ITGA4: variants seen among roughly 807,000 people sequenced by gnomAD.
ITGA4 encodes the protein integrin alpha-4.
Under a neutral mutation model 133.6 loss-of-function variants are expected in ITGA4, and 63 were observed. That is an observed-to-expected ratio of 0.47 (90% CI 0.38 to 0.58). The LOEUF is 0.58. Ranked by LOEUF, ITGA4 falls within the 20% of genes least tolerant of loss-of-function variation. ITGA4 has a pLI of 0.00. For synonymous variants in ITGA4, 483 were observed against 438.0 expected (o/e 1.10, Z -1.28); for missense variants, 1,076 against 1,252.7 (o/e 0.86, Z 2.13).
In ITGA4 at chr2:181,538,637, T is replaced by C. The variant is rs926802399; in HGVS notation, c.*3110T>C. Among the ~76,000 whole-genome samples, 1 of 152,124 alleles carries C rather than the reference T, an allele frequency of 6.6e-6. No individual in the cohort carries two copies. The highest frequency in any genetic ancestry group is 1.9e-4 in the East Asian group (1 of 5,198). ...TATGTAAAATTGTTCCCAAGGGAAG[T>C]TGAATGCTCTGTAAAGGCCTAATAA... is the stretch of plus-strand genomic sequence containing the variant. On this transcript the variant is annotated 3_prime_UTR_variant, in exon 28 of 28. Coordinates refer to ENST00000397033, the MANE Select transcript of ITGA4 (RefSeq NM_000885.6).
At chr2:181,515,698 C>G (rs1385170314) in intron 17 of ITGA4, among the ~76,000 whole-genome samples, 1 of 152,052 alleles carries the variant, frequency 6.6e-6, no homozygotes, top group East Asian at 1.9e-4. Flanking sequence ...TAATTAATTT[C>G]TTAGACTCAC....
At chr2:181,489,335 TA>T (rs1252518453) in intron 10 of ITGA4, among the ~76,000 whole-genome samples, 1 of 151,932 alleles carries the variant, frequency 6.6e-6, no homozygotes, top group Non-Finnish European at 1.5e-5. Flanking sequence ...AGCCATTTTC[TA>T]AAAAGATGAC....
At position 181,502,239 on chromosome 2, in the gene ITGA4, G is replaced by A. The variant is rs78341790; in HGVS notation, c.1695+3462G>A. On this transcript the variant is annotated intron_variant, in intron 15 of 27. Coordinates refer to ENST00000397033, the MANE Select transcript of ITGA4 (RefSeq NM_000885.6). Reference sequence around the variant, plus strand: ...CATTTCAGACATTAGTGGGGGAACGGGGGGAAGGAAAGGAATTGGAAGCGT... The same window carrying A: ...CATTTCAGACATTAGTGGGGGAACGAGGGGAAGGAAAGGAATTGGAAGCGT... Among the ~76,000 whole-genome samples the A allele has an allele frequency of 5.5e-3, 843 of 152,204 alleles. 7 individuals carry two copies. Among genetic ancestry groups the A allele is most frequent in the Non-Finnish European group, 9.5e-3 (646 of 68,000 alleles).
intron 9 of ITGA4, among the ~76,000 whole-genome samples, chr2:181,483,362 A>T (rs995532600): frequency 1.3e-5 from 2 of 152,210 alleles, no homozygotes; most frequent in African/African-American, 4.8e-5. Context: ...TGGAGTCTTA[A>T]TGAAATCTTC....
At chr2:181,475,130 A>G (rs766805617) in intron 3 of ITGA4, 29 bp from the exon 4 acceptor site, 2 of 1,613,522 alleles carry the variant, frequency 1.2e-6, no homozygotes, top group East Asian at 2.2e-5. Flanking sequence ...CAGCTTTCAC[A>G]TCATTTGGTC....
intron 15 of ITGA4, among the ~76,000 whole-genome samples, chr2:181,502,922 G>A (rs1275999816): frequency 1.3e-5 from 2 of 151,980 alleles, no homozygotes; most frequent in Non-Finnish European, 2.9e-5. Context: ...TGCAGCGGGA[G>A]GGAATGTACA....
intron 27 of ITGA4, among the ~76,000 whole-genome samples, 176 bp from the exon 28 acceptor site, chr2:181,535,255 AC>A: frequency 6.6e-6 from 1 of 152,096 alleles, no homozygotes; most frequent in Non-Finnish European, 1.5e-5. Context: ...TGTTTCTTTA[AC>A]CCAGTATGTC....
rs201139242 is a variant in ITGA4, at chr2:181,538,496, G to C, written c.*2969G>C. ...TTACCTCTGTAAAACAGTCAGTTAT[G>C]CCTCTAGAACACCCATGTCTAGTGG... On this transcript the variant is annotated 3_prime_UTR_variant, in exon 28 of 28. Coordinates refer to ENST00000397033, the MANE Select transcript of ITGA4 (RefSeq NM_000885.6). Among the ~76,000 whole-genome samples, 1 of 25,240 alleles carries C rather than the reference G, an allele frequency of 4.0e-5. No individual in the cohort carries two copies. Among genetic ancestry groups the C allele is most frequent in the African/African-American group, 1.8e-4 (1 of 5,526 alleles). The allele number at this position is 25,240 out of a possible 152,430, so 16.6% of individuals were successfully genotyped here.
At chr2:181,531,486 G>A (rs1483446351) in intron 24 of ITGA4, among the ~76,000 whole-genome samples, 171 bp from the exon 25 acceptor site, 1 of 152,032 alleles carries the variant, frequency 6.6e-6, no homozygotes, top group African/African-American at 2.4e-5. Context: ...TTCATGTCTT[G>A]TTTAAAGGTA....
chr2:181,536,905 A>C lies in ITGA4; in HGVS notation c.*1378A>C, dbSNP rs1387156039. ...TAGGGAGTGATCAAATTAGAAGGCAATGTGGAAAAACAATTCTGGGAAAGA... is the reference window on the plus strand; with the variant it reads ...TAGGGAGTGATCAAATTAGAAGGCACTGTGGAAAAACAATTCTGGGAAAGA... On this transcript the variant is annotated 3_prime_UTR_variant, in exon 28 of 28. Transcript: ENST00000397033. 2.2e-6 allele frequency: 1 copy of C among 453,396 alleles called. No individual in the cohort carries two copies. Among genetic ancestry groups the C allele is most frequent in the African/African-American group, 2.0e-5 (1 of 49,968 alleles). 28.1% of individuals were successfully genotyped at this position (453,396 alleles called of 1,614,324 possible).
intron 17 of ITGA4, among the ~76,000 whole-genome samples, chr2:181,515,032 G>A (rs998751006): frequency 1.3e-5 from 2 of 152,062 alleles, no homozygotes; most frequent in African/African-American, 4.8e-5. Context: ...TCACCTGGAT[G>A]CTTGAAAGAA....
chr2:181,528,133 A>T (rs1023502579), intron 22 of ITGA4, among the ~76,000 whole-genome samples: 1 of 152,208 alleles, frequency 6.6e-6, no homozygotes, highest in Non-Finnish European at 1.5e-5. Flanking sequence ...TTGTAAGACA[A>T]TGCTTTTCAA....
chr2:181,538,159 CATTTCTTTTAG>C lies in ITGA4; in HGVS notation c.*2634_*2644del. On this transcript the variant is annotated 3_prime_UTR_variant, in exon 28 of 28. Coordinates refer to ENST00000397033, the MANE Select transcript of ITGA4 (RefSeq NM_000885.6). The stretch of plus-strand genomic sequence containing the variant: ...CTTTATATTAAAATTCTAGTTTGTA[CATTTCTTTTAG>C]AAACAATTACATGTTACTTTGGAAT... 17 of 1,454,316 alleles carry C rather than the reference CATTTCTTTTAG, an allele frequency of 1.2e-5. No homozygotes were observed. The highest frequency in any genetic ancestry group is 1.5e-5 in the Non-Finnish European group (16 of 1,037,144). 90.1% of individuals were successfully genotyped at this position (1,454,316 alleles called of 1,614,324 possible).
intron 2 of ITGA4, among the ~76,000 whole-genome samples, chr2:181,466,283 G>T (rs888154645): frequency 6.6e-6 from 1 of 151,614 alleles, no homozygotes; most frequent in Admixed American, 6.6e-5. Context: ...TTTCTAAATA[G>T]AATAGAATAA....
chr2:181,529,418 C>T (rs3770104), intron 22 of ITGA4, 123 bp from the exon 23 acceptor site: 326,116 of 456,086 alleles, frequency 0.72, 117,915 homozygotes, highest in South Asian at 0.89. Context: ...AGCTGCCAAC[C>T]ATAAACCTCC....
At chr2:181,479,114 C>T (rs1477253490) in intron 5 of ITGA4, 3 of 215,138 alleles carry the variant, frequency 1.4e-5, no homozygotes, top group Non-Finnish European at 2.7e-5. Flanking sequence ...GGTTAATTGT[C>T]TTGTTAACTT....
intron 18 of ITGA4, among the ~76,000 whole-genome samples, chr2:181,522,982 C>T (rs574762364): frequency 1.7e-3 from 265 of 152,266 alleles, no homozygotes; most frequent in African/African-American, 5.8e-3. Context: ...TAAACACATT[C>T]TCACATACCA....
rs1252615799 is a variant in ITGA4 at position 181,536,189 on chromosome 2, AATT to A, written c.*666_*668del. On this transcript the variant is annotated 3_prime_UTR_variant, in exon 28 of 28. Transcript: ENST00000397033. ...GAGCTTAGTGAAATTACTTCTGGAT[AATT>A]ATTTTTTTATAATTATGGATTTCAC... The A allele has an allele frequency of 1.3e-5, 2 of 151,920 alleles. No homozygotes were observed. The highest frequency in any genetic ancestry group is 2.4e-5 in the African/African-American group (1 of 41,398). The allele number at this position is 151,920 out of a possible 1,614,324, so 9.4% of individuals were successfully genotyped here. A position where few individuals can be genotyped will look rare whatever the true frequency, so the allele number is the denominator to read the frequency against.
chr2:181,473,969 A>G (rs1051313229), intron 2 of ITGA4, among the ~76,000 whole-genome samples: 4 of 152,244 alleles, frequency 2.6e-5, no homozygotes, highest in Non-Finnish European at 4.4e-5. Flanking sequence ...TTCAAAATTA[A>G]CAAACCGAAG....
Sources: gnomAD v4.1 joint callset for allele counts (sites outside exome capture counted in the v4.1 genomes callset) on GRCh38, gnomAD v4.1.1 for gene constraint, MANE v1.5 for transcripts, NCBI Gene and HGNC (gene_info 2026-07-23, HGNC 2026-07-21) for gene names.